The following SSRP1 variants were observed in gnomAD, a reference collection of about 807,000 sequenced individuals.
SSRP1 encodes FACT complex subunit SSRP1.
In SSRP1, 21 loss-of-function variants were observed where a neutral mutation model predicts 84.4. That is an observed-to-expected ratio of 0.25 (90% CI 0.18 to 0.36). The LOEUF (loss-of-function observed/expected upper bound fraction) is 0.36, where lower values mean the gene tolerates loss of function less well. Ranked by LOEUF, SSRP1 falls within the 10% of genes least tolerant of loss-of-function variation. SSRP1 has a pLI of 1.00. For synonymous variants in SSRP1, 319 were observed against 318.3 expected, an observed-to-expected ratio of 1.00 and a Z score of -0.02; for missense variants, 519 against 900.8, an observed-to-expected ratio of 0.58 and a Z score of 5.43.
In SSRP1 at chr11:57,335,319, C is replaced by T; in HGVS notation, c.-119-79G>A. 1 of 596,554 alleles carries T rather than the reference C, an allele frequency of 1.7e-6. No homozygotes were observed. The highest frequency in any genetic ancestry group is 1.7e-5 in the South Asian group (1 of 57,448). 37.0% of individuals were successfully genotyped at this position (596,554 alleles called of 1,614,324 possible). Reference sequence around the variant, plus strand: ...ACGGATGGAGCCAGGTAGCAACTCCCAGCTGCGCCTGGATGTCTCAGGATT... The same window carrying T: ...ACGGATGGAGCCAGGTAGCAACTCCTAGCTGCGCCTGGATGTCTCAGGATT... On this transcript the variant is annotated intron_variant, in intron 1 of 16. Coordinates refer to ENST00000278412, the MANE Select transcript of SSRP1 (RefSeq NM_003146.3). This position sits in a 1 kb window ranked among gnomAD's most constrained non-coding sequence, Gnocchi z 4.6.
chr11:57,330,508 G>GCC lies in SSRP1; in HGVS notation c.1297-81_1297-80dup. On this transcript the variant is annotated intron_variant, in intron 10 of 16. Coordinates refer to ENST00000278412, the MANE Select transcript of SSRP1 (RefSeq NM_003146.3). The surrounding 1 kb of genome is among the most constrained non-coding windows in gnomAD (Gnocchi z 4.0). Reference sequence around the variant, plus strand: ...TGCACACTCAAAAGCACACCCCCATGCCTGTCAAGTCAGAGCAGCAGCTCC... The same window carrying GCC: ...TGCACACTCAAAAGCACACCCCCATGCCCCTGTCAAGTCAGAGCAGCAGCTCC... The GCC allele has an allele frequency of 6.3e-7, 1 of 1,578,890 alleles. No homozygotes were observed. The highest frequency in any genetic ancestry group is 8.6e-7 in the Non-Finnish European group (1 of 1,164,642).
intron 13 of SSRP1, 80 bp from the exon 14 acceptor site, chr11:57,327,962 A>T (rs1856017468): frequency 6.5e-7 from 1 of 1,529,902 alleles, no homozygotes. Flanking sequence ...AGATCACTTA[A>T]CTTGGAGAAA....
At position 57,332,665 on chromosome 11, in the gene SSRP1, AAC is replaced by A; in HGVS notation, c.726_727del (p.Leu244ValfsTer55). Reference sequence around the variant, plus strand: ...GCGCTGGTCCTTGTGGGGTAACAAAAACAGACGCAGTACTGTGGTGTAGGGGA... The same window carrying A: ...GCGCTGGTCCTTGTGGGGTAACAAAAAGACGCAGTACTGTGGTGTAGGGGA... On this transcript the variant is annotated frameshift_variant, in exon 6 of 17. Coordinates refer to ENST00000278412, the MANE Select transcript of SSRP1 (RefSeq NM_003146.3). LOFTEE classifies it high-confidence loss of function. This position sits in a 1 kb window ranked among gnomAD's most constrained non-coding sequence, Gnocchi z 5.5. The A allele has an allele frequency of 6.2e-7, 1 of 1,613,874 alleles. No individual in the cohort carries two copies. Among genetic ancestry groups the A allele is most frequent in the Non-Finnish European group, 8.5e-7 (1 of 1,179,882 alleles).
At chr11:57,329,853 G>A (rs554602936) in intron 12 of SSRP1, 3 of 590,062 alleles carry the variant, frequency 5.1e-6, no homozygotes, top group Non-Finnish European at 9.0e-6. Flanking sequence ...AGCCCCAACT[G>A]GCACATTCAG....
chr11:57,328,551 A>C lies in SSRP1; in HGVS notation c.1482-125T>G, dbSNP rs1364216979. The stretch of plus-strand genomic sequence containing the variant: ...GGGCAAGGGAGGAAGACCAGAGGAC[A>C]GTATCCACCACCAATCCCCAACACT... On this transcript the variant is annotated intron_variant, in intron 12 of 16. Transcript: ENST00000278412. The C allele has an allele frequency of 4.5e-6, 6 of 1,342,210 alleles. No homozygotes were observed. In the East Asian group the frequency reaches 1.5e-4, roughly 33 times the overall value. The allele number at this position is 1,342,210 out of a possible 1,614,324, so 83.1% of individuals were successfully genotyped here.
rs1017486726 is a variant in SSRP1, at chr11:57,335,253, G to A, written c.-119-13C>T. 1.9e-5 allele frequency: 17 copies of A among 900,248 alleles called. No homozygotes were observed. The highest frequency in any genetic ancestry group is 1.4e-4 in the Admixed American group (8 of 56,658). The allele number at this position is 900,248 out of a possible 1,614,324, so 55.8% of individuals were successfully genotyped here. On this transcript the variant is annotated splice_polypyrimidine_tract_variant and intron_variant, in intron 1 of 16. Coordinates refer to ENST00000278412, the MANE Select transcript of SSRP1 (RefSeq NM_003146.3). This position sits in a 1 kb window ranked among gnomAD's most constrained non-coding sequence, Gnocchi z 4.6. The stretch of plus-strand genomic sequence containing the variant: ...GCAGGTTGGGAATCTGAATTCAAGA[G>A]GAAGACAGATAAGCATGAAAGACAG...
intron 12 of SSRP1, chr11:57,328,689 G>A (rs557815678): frequency 1.7e-5 from 7 of 405,178 alleles, no homozygotes; most frequent in Admixed American, 8.5e-5. Context: ...GAGCTTCAGC[G>A]GATCTCCCTG....
At chr11:57,333,621 T>C in intron 3 of SSRP1, 81 bp from the exon 4 acceptor site, 5 of 1,051,750 alleles carry the variant, frequency 4.8e-6, no homozygotes, top group South Asian at 2.6e-5. Context: ...GGATTATCTA[T>C]TTCTGAGAAA....
Position 57,335,347 on chromosome 11 carries a change from C to T in SSRP1, c.-119-107G>A, listed in dbSNP as rs763604167. On this transcript the variant is annotated intron_variant, in intron 1 of 16. Coordinates refer to ENST00000278412, the MANE Select transcript of SSRP1 (RefSeq NM_003146.3). The surrounding 1 kb of genome is among the most constrained non-coding windows in gnomAD (Gnocchi z 4.6). ...CTGCGCCTGGATGTCTCAGGATTTCCTCTGCCTGGAAACCTACAGACGGAC... is the reference window on the plus strand; with the variant it reads ...CTGCGCCTGGATGTCTCAGGATTTCTTCTGCCTGGAAACCTACAGACGGAC... 1.3e-5 allele frequency: 7 copies of T among 529,620 alleles called. No homozygotes were observed. The highest frequency in any genetic ancestry group is 2.1e-5 in the Non-Finnish European group (6 of 289,684). The allele number at this position is 529,620 out of a possible 1,614,324, so 32.8% of individuals were successfully genotyped here.
At position 57,335,261 on chromosome 11, in the gene SSRP1, G is replaced by C. The variant is rs2134395216; in HGVS notation, c.-119-21C>G. 2 of 850,446 alleles carry C rather than the reference G, an allele frequency of 2.4e-6. No homozygotes were observed. Among genetic ancestry groups the C allele is most frequent in the Non-Finnish European group, 4.0e-6 (2 of 504,906 alleles). 52.7% of individuals were successfully genotyped at this position (850,446 alleles called of 1,614,324 possible). A position where few individuals can be genotyped will look rare whatever the true frequency, so the allele number is the denominator to read the frequency against. On this transcript the variant is annotated intron_variant, in intron 1 of 16. Coordinates refer to ENST00000278412, the MANE Select transcript of SSRP1 (RefSeq NM_003146.3). This position sits in a 1 kb window ranked among gnomAD's most constrained non-coding sequence, Gnocchi z 4.6. ...GGAATCTGAATTCAAGAGGAAGACA[G>C]ATAAGCATGAAAGACAGCACCTCGC... is the stretch of plus-strand genomic sequence containing the variant.
At chr11:57,331,252 T>C (rs1460437715) in intron 9 of SSRP1, among the ~76,000 whole-genome samples, 1 of 152,050 alleles carries the variant, frequency 6.6e-6, no homozygotes, top group Non-Finnish European at 1.5e-5. Context: ...CTTCACAAGG[T>C]TGATATGAGG....
At position 57,331,808 on chromosome 11, in the gene SSRP1, G is replaced by A. The variant is rs763048748; in HGVS notation, c.1083C>T (p.Tyr361=). 14 of 1,614,116 alleles carry A rather than the reference G, an allele frequency of 8.7e-6. No homozygotes were observed. Among genetic ancestry groups the A allele is most frequent in the South Asian group, 1.1e-5 (1 of 91,092 alleles). The part of the protein sequence containing the change: ...LLYPLERGFI[Y]VHKPPVHIRF... ...GGATGTGCACAGGTGGCTTGTGGAC[G>A]TAGATGAAGCCCCGCTCCAGCGGGT... The change falls in exon 9 of 17, where the codon TAC becomes TAT. Residue 361 remains tyrosine (Y), a synonymous_variant. Transcript: ENST00000278412.
At chr11:57,331,030 G>A (rs1339426741) in intron 9 of SSRP1, 103 bp from the exon 10 acceptor site, 90 of 1,350,488 alleles carry the variant, frequency 6.7e-5, no homozygotes, top group Non-Finnish European at 9.2e-5. Flanking sequence ...GTGGAGCCTG[G>A]AGCTCTTGAC....
In SSRP1 at chr11:57,326,779, T is replaced by C. The variant is rs1277187239; in HGVS notation, c.1982A>G (p.Lys661Arg). ...ATCACTAGACACAAACTCTTTGCTC[T>C]TGAAGCTCTCGCTTAGCTGCCTTGA... ...SSSRQLSESFKSKEFVSSDES... is the reference protein window; with the variant it reads ...SSSRQLSESFRSKEFVSSDES... The change falls in exon 16 of 17, where the codon AAG (lysine) becomes AGG (arginine). Residue 661 changes from lysine to arginine, a missense_variant. Physicochemically the swap from Lys to Arg is conservative, Grantham distance 26. Transcript: ENST00000278412. The C allele has an allele frequency of 6.2e-7, 1 of 1,614,276 alleles. No individual in the cohort carries two copies. Among genetic ancestry groups the C allele is most frequent in the South Asian group, 1.1e-5 (1 of 91,090 alleles).
In SSRP1 at chr11:57,332,021, G is replaced by A. The variant is rs1856102408; in HGVS notation, c.1001+131C>T. Reference sequence around the variant, plus strand: ...ACTGAGCTGTTCTGACAGAGGCGCTGGCACCTATTGTGACACAAGGTCCCA... The same window carrying A: ...ACTGAGCTGTTCTGACAGAGGCGCTAGCACCTATTGTGACACAAGGTCCCA... On this transcript the variant is annotated intron_variant, in intron 8 of 16. Coordinates refer to ENST00000278412, the MANE Select transcript of SSRP1 (RefSeq NM_003146.3). The surrounding 1 kb of genome is among the most constrained non-coding windows in gnomAD (Gnocchi z 5.5). The A allele has an allele frequency of 4.6e-6, 7 of 1,527,924 alleles. No individual in the cohort carries two copies. Among genetic ancestry groups the A allele is most frequent in the Admixed American group, 3.6e-5 (2 of 55,844 alleles). The allele number at this position is 1,527,924 out of a possible 1,614,324, so 94.6% of individuals were successfully genotyped here.
At position 57,333,131 on chromosome 11, in the gene SSRP1, T is replaced by C; in HGVS notation, c.365A>G (p.Asp122Gly). ...VKFGGQLLSF[D>G]IGDQPVFEIP... The stretch of plus-strand genomic sequence containing the variant: ...CTCAAAGACTGGCTGGTCACCAATG[T>C]CAAAGGAAAGCAGCTGCCCTGTGAG... The change falls in exon 5 of 17, where the codon GAC (aspartate) becomes GGC (glycine). Residue 122 changes from aspartate (D) to glycine (G), a missense_variant. Physicochemically the swap from Asp to Gly is moderately conservative, Grantham distance 94 (BLOSUM62 -1). Transcript: ENST00000278412. 6.2e-7 allele frequency: 1 copy of C among 1,610,988 alleles called. No individual in the cohort carries two copies. Among genetic ancestry groups the C allele is most frequent in the Non-Finnish European group, 8.5e-7 (1 of 1,177,750 alleles).
At chr11:57,334,154 A>C (rs1025772347) in intron 3 of SSRP1, among the ~76,000 whole-genome samples, 6 of 151,940 alleles carry the variant, frequency 3.9e-5, no homozygotes, top group South Asian at 2.1e-4. Flanking sequence ...CCCTGTCCCC[A>C]AAAAAAACCA....
rs1012582901 is a variant in SSRP1, at chr11:57,335,879, C to G, written c.-269G>C. ...GCGTCCCGCCACCGGAAGCCGTACACAGGCCACAGAGAGGATGAGCTGGCT... is the reference window on the plus strand; with the variant it reads ...GCGTCCCGCCACCGGAAGCCGTACAGAGGCCACAGAGAGGATGAGCTGGCT... On this transcript the variant is annotated 5_prime_UTR_variant, in exon 1 of 17. Transcript: ENST00000278412. This position sits in a 1 kb window ranked among gnomAD's most constrained non-coding sequence, Gnocchi z 4.6. 1 of 152,354 alleles carries G rather than the reference C, an allele frequency of 6.6e-6. No individual in the cohort carries two copies. The highest frequency in any genetic ancestry group is 2.4e-5 in the African/African-American group (1 of 41,472). The allele number at this position is 152,354 out of a possible 1,614,324, so 9.4% of individuals were successfully genotyped here. A position where few individuals can be genotyped will look rare whatever the true frequency, so the allele number is the denominator to read the frequency against.
chr11:57,327,273 G>A, intron 15 of SSRP1, 153 bp downstream of exon 15: 1 of 793,648 alleles, frequency 1.3e-6, no homozygotes, highest in Non-Finnish European at 2.1e-6. Flanking sequence ...ACCCATACTT[G>A]GGCAATGGCC....
Sources: gnomAD v4.1 joint callset for allele counts (sites outside exome capture counted in the v4.1 genomes callset) on GRCh38, gnomAD v4.1.1 for gene constraint, Gnocchi (gnomAD v3.1) non-coding constraint, MANE v1.5 for transcripts, NCBI Gene and HGNC (gene_info 2026-07-23, HGNC 2026-07-21) for gene names.